Variants in UNC79 observed in about 807,000 individuals in gnomAD.
UNC79 encodes the protein unc-79 subunit of NALCN channel complex, also known as protein unc-79 homolog.
Under a neutral mutation model 283.1 loss-of-function variants are expected in UNC79, and 37 were observed. The ratio of observed to expected loss-of-function variants is 0.13; its 90% CI spans 0.10 to 0.17. UNC79 has a LOEUF of 0.17. UNC79 is among the 10% of genes least tolerant of loss of function. The pLI, the probability that UNC79 is intolerant of heterozygous loss-of-function variation, is 1.00. For synonymous variants in UNC79, 1,107 were observed against 1,200.2 expected, an observed-to-expected ratio of 0.92 and a Z score of 1.61; for missense variants, 2,272 against 3,211.1, an observed-to-expected ratio of 0.71 and a Z score of 7.07.
At chr14:93,502,991 G>T (rs1357732791) in intron 7 of UNC79, among the ~76,000 whole-genome samples, 1 of 152,140 alleles carries the variant, frequency 6.6e-6, no homozygotes, top group African/African-American at 2.4e-5. Flanking sequence ...AATTAAAAAT[G>T]TTTTAAAACT....
At chr14:93,517,612 T>C (rs1307649646) in intron 7 of UNC79, among the ~76,000 whole-genome samples, 2 of 152,060 alleles carry the variant, frequency 1.3e-5, no homozygotes, top group African/African-American at 2.4e-5. Flanking sequence ...TTCATTCTGT[T>C]AATATGGTAA....
At chr14:93,592,437 G>A (rs1249543051) in intron 22 of UNC79, among the ~76,000 whole-genome samples, 1 of 152,014 alleles carries the variant, frequency 6.6e-6, no homozygotes, top group African/African-American at 2.4e-5. Context: ...GCCTCCCAAA[G>A]TGCTGGGATT....
chr14:93,691,413 C>T (rs572530856), intron 45 of UNC79: 1 of 405,910 alleles, frequency 2.5e-6, no homozygotes, highest in African/African-American at 2.0e-5. Flanking sequence ...AGGAAACATC[C>T]TAACATGGCA....
chr14:93,586,786 C>G, exon 22 of UNC79: 1 of 1,613,946 alleles, frequency 6.2e-7, no homozygotes, highest in Non-Finnish European at 8.5e-7. Flanking sequence ...AAGAGCCAGA[C>G]ATTCTTTTTA....
chr14:93,451,638 A>T (rs1438524969), intron 1 of UNC79, among the ~76,000 whole-genome samples: 1 of 152,120 alleles, frequency 6.6e-6, no homozygotes, highest in East Asian at 1.9e-4. Flanking sequence ...GAAGTGGGGG[A>T]GAAAATTTAG....
At chr14:93,633,349 C>T (rs2068202665) in intron 31 of UNC79, among the ~76,000 whole-genome samples, 1 of 152,084 alleles carries the variant, frequency 6.6e-6, no homozygotes, top group Admixed American at 6.6e-5. Context: ...GTGTTGTGAC[C>T]ACCATTAATC....
At chr14:93,693,727 G>T (rs1289109334) in intron 46 of UNC79, among the ~76,000 whole-genome samples, 1 of 152,156 alleles carries the variant, frequency 6.6e-6, no homozygotes, top group Non-Finnish European at 1.5e-5. Context: ...AAAGGATCAA[G>T]ATATTACTGG....
chr14:93,437,408 A>G (rs1048798205), intron 1 of UNC79: 4 of 152,146 alleles, frequency 2.6e-5, no homozygotes, highest in African/African-American at 9.7e-5. Flanking sequence ...TTTTTTATAC[A>G]GAACTTTTCA....
intron 31 of UNC79, among the ~76,000 whole-genome samples, chr14:93,636,991 A>G (rs962304436): frequency 2.6e-5 from 4 of 152,010 alleles, no homozygotes; most frequent in Non-Finnish European, 5.9e-5. Context: ...ATAGTTTTAG[A>G]TGCTGTCCTG....
rs1486348445 is a variant in UNC79 at position 93,472,520 on chromosome 14, A to G, written c.144-1569A>G. Among the ~76,000 whole-genome samples, 3 of 152,138 alleles carry G rather than the reference A, an allele frequency of 2.0e-5. No homozygotes were observed. The East Asian group carries it at 5.8e-4, about 29-fold the overall frequency. On this transcript the variant is annotated intron_variant, in intron 2 of 48. Coordinates refer to ENST00000555664, the Ensembl canonical transcript of UNC79. ...TATTGATAAGAAGTATTACATAAGT[A>G]TTCTGAAATTATTTTTATTATTATC...
At chr14:93,606,240 AAAAGCCT>A (rs1370006024) in intron 26 of UNC79, among the ~76,000 whole-genome samples, 1 of 152,242 alleles carries the variant, frequency 6.6e-6, no homozygotes, top group African/African-American at 2.4e-5. Context: ...TGCAGTTAAA[AAAAGCCT>A]TCAGGCATCT....
intron 30 of UNC79, among the ~76,000 whole-genome samples, chr14:93,625,814 T>C (rs1108468): frequency 0.069 from 10,479 of 152,284 alleles, 718 homozygotes; most frequent in African/African-American, 0.18. Context: ...AAATCCAGCT[T>C]TCCCTCTACC....
At chr14:93,487,147 CATT>C (rs1366133872) in intron 4 of UNC79, among the ~76,000 whole-genome samples, 5 of 152,178 alleles carry the variant, frequency 3.3e-5, no homozygotes, top group African/African-American at 9.6e-5. Flanking sequence ...ATTAATATAT[CATT>C]ATTTTTTATA....
At chr14:93,457,153 T>G (rs1467922928) in intron 1 of UNC79, among the ~76,000 whole-genome samples, 1 of 152,216 alleles carries the variant, frequency 6.6e-6, no homozygotes, top group Non-Finnish European at 1.5e-5. Flanking sequence ...ATGTGGCAAT[T>G]TATTCATTCA....
At chr14:93,347,287 CGCTGTCCT>C (rs747414580) in intron 1 of UNC79, 19 of 1,605,100 alleles carry the variant, frequency 1.2e-5, no homozygotes, top group Non-Finnish European at 1.6e-5. Context: ...CCTGCGTGGG[CGCTGTCCT>C]GCCCGCCGCC....
intron 1 of UNC79, among the ~76,000 whole-genome samples, chr14:93,379,784 A>G (rs1313101494): frequency 1.3e-5 from 2 of 152,108 alleles, no homozygotes; most frequent in African/African-American, 4.8e-5. Flanking sequence ...CGGGTGCACC[A>G]AAATCTCAGA....
chr14:93,598,466 G>A (rs2065253783), intron 24 of UNC79, among the ~76,000 whole-genome samples: 2 of 151,864 alleles, frequency 1.3e-5, no homozygotes, highest in African/African-American at 4.8e-5. Context: ...CTCCTGGGCT[G>A]GAGGCCTCTG....
chr14:93,646,009 A>T (rs1380288365), intron 34 of UNC79, among the ~76,000 whole-genome samples: 1 of 152,208 alleles, frequency 6.6e-6, no homozygotes, highest in South Asian at 2.1e-4. Flanking sequence ...ACCCATCAGT[A>T]TAGTCCATTC....
chr14:93,551,976 G>A (rs948779206), intron 14 of UNC79, among the ~76,000 whole-genome samples: 10 of 152,166 alleles, frequency 6.6e-5, no homozygotes, highest in African/African-American at 2.2e-4. Context: ...GAATCCTTCT[G>A]GGATGGTATG....
Sources: gnomAD v4.1 joint callset for allele counts (sites outside exome capture counted in the v4.1 genomes callset) on GRCh38, gnomAD v4.1.1 for gene constraint, MANE v1.5 for transcripts, NCBI Gene and HGNC (gene_info 2026-07-23, HGNC 2026-07-21) for gene names.